DNAH7: variants seen among roughly 807,000 people sequenced by gnomAD.
DNAH7 encodes dynein axonemal heavy chain 7, also known as axonemal beta dynein heavy chain 7.
Under a neutral mutation model 444.6 loss-of-function variants are expected in DNAH7, and 397 were observed. The observed-to-expected ratio is 0.89, with a 90% CI of 0.82 to 0.97. The LOEUF (loss-of-function observed/expected upper bound fraction) is 0.97. Among genes scored for constraint, DNAH7 ranks in the 50% least tolerant of loss-of-function variants. The probability of loss-of-function intolerance (pLI) is 0.00; values close to 1 mark genes in which losing one functional copy is unlikely to be tolerated. For synonymous variants in DNAH7, 1,636 were observed against 1,624.4 expected, an observed-to-expected ratio of 1.01 and a Z score of -0.17; for missense variants, 4,902 against 4,800.8, an observed-to-expected ratio of 1.02 and a Z score of -0.62.
intron 35 of DNAH7, 46 bp from the exon 36 acceptor site, chr2:195,882,038 A>T: frequency 1.3e-6 from 2 of 1,509,826 alleles, no homozygotes; most frequent in Non-Finnish European, 1.8e-6. Flanking sequence ...AAAATACTTT[A>T]AAAAGCTCTA....
intron 12 of DNAH7, chr2:195,995,075 A>G (rs541573483): frequency 3.9e-6 from 1 of 258,572 alleles, no homozygotes; most frequent in Non-Finnish European, 7.6e-6. Flanking sequence ...GACTACAGGC[A>G]CACACCACCA....
chr2:195,952,574 T>C (rs1466043263), intron 19 of DNAH7, among the ~76,000 whole-genome samples: 2 of 152,190 alleles, frequency 1.3e-5, no homozygotes, highest in East Asian at 1.9e-4. Flanking sequence ...CAATCAAACA[T>C]GCAGGTTTGG....
At position 195,906,792 on chromosome 2, in the gene DNAH7, G is replaced by C; in HGVS notation, c.4208-6C>G. 2 of 1,612,748 alleles carry C rather than the reference G, an allele frequency of 1.2e-6. No homozygotes were observed. Among genetic ancestry groups the C allele is most frequent in the Non-Finnish European group, 1.7e-6 (2 of 1,179,294 alleles). On this transcript the variant is annotated splice_polypyrimidine_tract_variant and splice_region_variant and intron_variant, in intron 26 of 64. Coordinates refer to ENST00000312428, the MANE Select transcript of DNAH7 (RefSeq NM_018897.3). Reference sequence around the variant, plus strand: ...ATCAGCACCTGCATTAATACCTGTAGGTAATCAGGAATGAAATGACTTAGT... The same window carrying C: ...ATCAGCACCTGCATTAATACCTGTACGTAATCAGGAATGAAATGACTTAGT...
chr2:195,803,013 T>C (rs1299876043), intron 54 of DNAH7, among the ~76,000 whole-genome samples: 1 of 152,248 alleles, frequency 6.6e-6, no homozygotes, highest in Admixed American at 6.5e-5. Flanking sequence ...ATATTTTGAA[T>C]GGTCACAGAT....
intron 57 of DNAH7, among the ~76,000 whole-genome samples, chr2:195,791,375 GAAAAAAAA>G (rs545585624): frequency 6.9e-5 from 7 of 101,564 alleles, no homozygotes; most frequent in African/African-American, 2.6e-4. Context: ...GCTGAAGCAG[GAAAAAAAA>G]AAAAAAAAAA....
In DNAH7 at chr2:195,808,762, C is replaced by T; in HGVS notation, c.10003G>A (p.Asp3335Asn). ...ATGGTTTTGAAGGCAGGCAAATCAT[C>T]TAATCGACATATTTCATCCCAGGAT... The part of the protein sequence containing the change: ...QKSWDEICRL[D>N]DLPAFKTIRR... Residue 3335 changes from aspartate (D) to asparagine (N), a missense_variant, in exon 53 of 65, where the codon GAT becomes AAT. By Grantham distance (23) the Asp-to-Asn change is conservative. Transcript: ENST00000312428. 1 of 1,614,022 alleles carries T rather than the reference C, an allele frequency of 6.2e-7. No homozygotes were observed. Among genetic ancestry groups the T allele is most frequent in the Non-Finnish European group, 8.5e-7 (1 of 1,179,954 alleles).
chr2:196,028,017 G>A lies in DNAH7; in HGVS notation c.429C>T (p.Val143=), dbSNP rs1236316872. 6.2e-7 allele frequency: 1 copy of A among 1,610,240 alleles called. No individual in the cohort carries two copies. The part of the protein sequence containing the change: ...MQQDADLDSA[V]PDGSTIPKPT... ...GTTTTGGAATTGTGCTTCCATCAGG[G>A]ACAGCTGAGTCTAAGTCAGCATCTT... Residue 143 remains valine, a synonymous_variant, in exon 6 of 65, where the codon GTC becomes GTT. Transcript: ENST00000312428.
In DNAH7 at chr2:196,068,663, C is replaced by T. The variant is rs1468748606; in HGVS notation, c.15+34G>A. On this transcript the variant is annotated intron_variant, in intron 1 of 64. Coordinates refer to ENST00000312428, the MANE Select transcript of DNAH7 (RefSeq NM_018897.3). ...CCGAAACGCCTGGGAAGCGTCGCGGCGGCGGCGAGCCTGGCAAAGAGCAGC... is the reference window on the plus strand; with the variant it reads ...CCGAAACGCCTGGGAAGCGTCGCGGTGGCGGCGAGCCTGGCAAAGAGCAGC... 2.6e-6 allele frequency: 4 copies of T among 1,549,756 alleles called. No homozygotes were observed. The African/African-American group carries it at 4.1e-5, about 16-fold the overall frequency.
At chr2:195,832,000 C>CA (rs1698097180) in intron 48 of DNAH7, among the ~76,000 whole-genome samples, 1 of 152,116 alleles carries the variant, frequency 6.6e-6, no homozygotes, top group Non-Finnish European at 1.5e-5. Context: ...GGCCACAACT[C>CA]AAAGTAGGAA....
chr2:195,827,244 A>G (rs1559124567), intron 48 of DNAH7, among the ~76,000 whole-genome samples: 1 of 152,128 alleles, frequency 6.6e-6, no homozygotes, highest in African/African-American at 2.4e-5. Context: ...GTTTTAGCAA[A>G]TATTTCCCCC....
At chr2:196,006,049 C>A (rs1220257510) in intron 10 of DNAH7, among the ~76,000 whole-genome samples, 1 of 152,272 alleles carries the variant, frequency 6.6e-6, no homozygotes, top group African/African-American at 2.4e-5. Flanking sequence ...TGTGATGGCT[C>A]ATGCCTGTAA....
At chr2:195,826,021 G>A (rs1474450876) in intron 48 of DNAH7, among the ~76,000 whole-genome samples, 2 of 152,106 alleles carry the variant, frequency 1.3e-5, no homozygotes, top group African/African-American at 4.8e-5. Flanking sequence ...TAAATAATAT[G>A]AATGCATCAT....
rs142688389 is a variant in DNAH7, at chr2:195,933,452, A to G, written c.3471+1139T>C. Reference sequence around the variant, plus strand: ...CTGCTATAAAGACATATGCACATGTATGTTTATTGCAGCACTATTCACAAT... The same window carrying G: ...CTGCTATAAAGACATATGCACATGTGTGTTTATTGCAGCACTATTCACAAT... On this transcript the variant is annotated intron_variant, in intron 21 of 64. Transcript: ENST00000312428. Among the ~76,000 whole-genome samples, 2,942 of 152,250 alleles carry G rather than the reference A, an allele frequency of 0.019. 240 individuals are homozygous for G. In the East Asian group the frequency reaches 0.27, roughly 14 times the overall value.
chr2:195,754,402 A>G lies in DNAH7; in HGVS notation c.11699T>C (p.Ile3900Thr), dbSNP rs1481112953. 1.9e-6 allele frequency: 3 copies of G among 1,613,940 alleles called. No homozygotes were observed. Among genetic ancestry groups the G allele is most frequent in the African/African-American group, 1.3e-5 (1 of 74,910 alleles). The change falls in exon 63 of 65, where the codon ATT (isoleucine) becomes ACT (threonine). Residue 3900 changes from isoleucine (I) to threonine (T), a missense_variant. By Grantham distance (89) the Ile-to-Thr change is moderately conservative. Transcript: ENST00000312428. ...TTCATAGTCAAACCCAAGAAGATCAATAGGAATTGTGTATTTCCTGGCGTA... is the reference window on the plus strand; with the variant it reads ...TTCATAGTCAAACCCAAGAAGATCAGTAGGAATTGTGTATTTCCTGGCGTA... ...QNYARKYTIP[I>T]DLLGFDYEVM...
chr2:195,809,623 TAACA>T (rs1436301492), intron 52 of DNAH7, 118 bp downstream of exon 52: 13 of 945,540 alleles, frequency 1.4e-5, no homozygotes, highest in Admixed American at 1.3e-4. Flanking sequence ...TTAACTATAA[TAACA>T]AACAGTATTA....
intron 23 of DNAH7, among the ~76,000 whole-genome samples, chr2:195,923,143 C>T (rs773734960): frequency 1.7e-4 from 26 of 152,096 alleles, no homozygotes; most frequent in Admixed American, 4.6e-4. Context: ...GGATTACAGG[C>T]GTGAGTCACC....
chr2:196,047,443 T>C lies in DNAH7; in HGVS notation c.307A>G (p.Ser103Gly), dbSNP rs1559367772. The change falls in exon 5 of 65, where the codon AGT becomes GGT. Residue 103 changes from serine (S) to glycine (G), a missense_variant. Physicochemically the swap from Ser to Gly is moderately conservative, Grantham distance 56 (BLOSUM62 0). Coordinates refer to ENST00000312428, the MANE Select transcript of DNAH7 (RefSeq NM_018897.3). ...TTGGAAGTAGATGGTCCAACATAAC[T>C]ATCATCAACTTGGTGGGGTAATTTG... is the stretch of plus-strand genomic sequence containing the variant. Reference protein sequence around the residue: ...KGKLPHQVDDSYVGPSTSKSK... With the variant: ...KGKLPHQVDDGYVGPSTSKSK... 7 of 1,604,414 alleles carry C rather than the reference T, an allele frequency of 4.4e-6. No homozygotes were observed. The highest frequency in any genetic ancestry group is 4.3e-6 in the Non-Finnish European group (5 of 1,174,558).
chr2:196,044,846 C>T (rs1697000609), intron 5 of DNAH7, among the ~76,000 whole-genome samples: 1 of 152,044 alleles, frequency 6.6e-6, no homozygotes, highest in Non-Finnish European at 1.5e-5. Flanking sequence ...GGTAGGGGAC[C>T]ACTTGAGCCC....
chr2:195,778,707 C>CATATATATACACATATATATATACACAT (rs1559089940), intron 58 of DNAH7, among the ~76,000 whole-genome samples: 1 of 63,814 alleles, frequency 1.6e-5, no homozygotes, highest in Non-Finnish European at 2.9e-5. Flanking sequence ...TATATATACA[C>CATATATATACACATATATATATACACAT]ATATATATAC....
Sources: allele counts gnomAD v4.1 joint callset (sites outside exome capture counted in the v4.1 genomes callset), GRCh38; gene constraint gnomAD v4.1.1; transcripts MANE v1.5; gene names NCBI Gene and HGNC (gene_info 2026-07-23, HGNC 2026-07-21).